The following RBFOX1 variants were observed in gnomAD, a reference collection of about 807,000 sequenced individuals.
The protein encoded by RBFOX1 is RNA binding protein fox-1 homolog 1.
In RBFOX1, 8 loss-of-function variants were observed where a neutral mutation model predicts 57.7. The ratio of observed to expected loss-of-function variants is 0.14; its 90% CI spans 0.08 to 0.25. The LOEUF is 0.25. Ranked by LOEUF, RBFOX1 falls within the 10% of genes least tolerant of loss-of-function variation. RBFOX1 has a pLI of 1.00. For synonymous variants in RBFOX1, 326 were observed against 222.4 expected (o/e 1.47, Z -4.15); for missense variants, 611 against 548.5 (o/e 1.11, Z -1.14).
At chr16:7,475,497 G>A (rs112270690) in intron 4 of RBFOX1, among the ~76,000 whole-genome samples, 5 of 152,064 alleles carry the variant, frequency 3.3e-5, no homozygotes, top group African/African-American at 7.2e-5. Context: ...TGTATTTTTA[G>A]TAGAGACGGC....
chr16:5,845,567 G>T (rs747011993), intron 3 of RBFOX1, among the ~76,000 whole-genome samples: 3 of 152,180 alleles, frequency 2.0e-5, no homozygotes, highest in Non-Finnish European at 2.9e-5. Context: ...ATGACCCGGG[G>T]CAGGTGGCCG....
chr16:5,275,908 A>G (rs1193937725), intron 1 of RBFOX1, among the ~76,000 whole-genome samples: 1 of 152,232 alleles, frequency 6.6e-6, no homozygotes. Context: ...CTGATCTTAG[A>G]CAAAGTAAAC....
chr16:6,543,025 G>A (rs1313621156), intron 2 of RBFOX1, among the ~76,000 whole-genome samples: 1 of 152,028 alleles, frequency 6.6e-6, no homozygotes, highest in Non-Finnish European at 1.5e-5. Context: ...CCTCCCCAGG[G>A]CCACACTATC....
chr16:6,114,581 C>A (rs573416571), intron 1 of RBFOX1, among the ~76,000 whole-genome samples: 2 of 151,916 alleles, frequency 1.3e-5, no homozygotes, highest in South Asian at 2.1e-4. Flanking sequence ...GGGGGCGTAA[C>A]TTATGGACTA....
At chr16:6,791,501 G>C (rs1014228661) in intron 3 of RBFOX1, among the ~76,000 whole-genome samples, 3 of 152,156 alleles carry the variant, frequency 2.0e-5, no homozygotes, top group African/African-American at 4.8e-5. Flanking sequence ...GCTCACACCT[G>C]TAATCCCAGC....
intron 4 of RBFOX1, among the ~76,000 whole-genome samples, chr16:7,202,372 G>T (rs1420160275): frequency 6.6e-6 from 1 of 151,602 alleles, no homozygotes; most frequent in Non-Finnish European, 1.5e-5. Flanking sequence ...ATTACGCCCT[G>T]TGGGTAGGAA....
intron 4 of RBFOX1, among the ~76,000 whole-genome samples, chr16:5,941,761 A>G (rs2059282642): frequency 6.6e-6 from 1 of 151,544 alleles, no homozygotes; most frequent in Admixed American, 6.6e-5. Flanking sequence ...GAAGACTAAA[A>G]CCTCTTCCCG....
At chr16:6,347,089 G>A (rs533131364) in intron 2 of RBFOX1, among the ~76,000 whole-genome samples, 137 of 152,276 alleles carry the variant, frequency 9.0e-4, no homozygotes, top group African/African-American at 3.0e-3. Context: ...AGAATCTTAG[G>A]GTGAAAGTGG....
intron 4 of RBFOX1, among the ~76,000 whole-genome samples, chr16:7,099,868 C>CT (rs2062373510): frequency 6.6e-6 from 1 of 152,064 alleles, no homozygotes; most frequent in African/African-American, 2.4e-5. Context: ...GTTACAGCCT[C>CT]TAAGTAGCAG....
At position 7,712,698 on chromosome 16, in the gene RBFOX1, G is replaced by C. The variant is rs2084179223; in HGVS notation, c.*1953G>C. On this transcript the variant is annotated 3_prime_UTR_variant, in exon 16 of 16. Transcript: ENST00000550418. The stretch of plus-strand genomic sequence containing the variant: ...TTCTCATTCCCCCACCTGGAAAACA[G>C]TGTTATGGCAATGGGTGCCTGGTTG... 1 of 152,160 alleles carries C rather than the reference G, an allele frequency of 6.6e-6. No individual in the cohort carries two copies. Among genetic ancestry groups the C allele is most frequent in the African/African-American group, 2.4e-5 (1 of 41,436 alleles). 9.4% of individuals were successfully genotyped at this position (152,160 alleles called of 1,614,324 possible). A position where few individuals can be genotyped will look rare whatever the true frequency, so the allele number is the denominator to read the frequency against.
chr16:5,349,508 C>G (rs940737837), intron 1 of RBFOX1, among the ~76,000 whole-genome samples: 6 of 152,054 alleles, frequency 3.9e-5, no homozygotes, highest in African/African-American at 1.2e-4. Context: ...CCTATCTCTA[C>G]TAAAAATACA....
At chr16:5,408,415 A>G (rs1237687210) in intron 1 of RBFOX1, among the ~76,000 whole-genome samples, 5 of 152,190 alleles carry the variant, frequency 3.3e-5, no homozygotes, top group Admixed American at 1.3e-4. Flanking sequence ...GTGCCGCGGT[A>G]TGAATAGAGT....
chr16:6,123,821 C>G (rs943698752), intron 1 of RBFOX1, among the ~76,000 whole-genome samples: 1 of 152,132 alleles, frequency 6.6e-6, no homozygotes, highest in Non-Finnish European at 1.5e-5. Flanking sequence ...CCAGGGATGT[C>G]TTGACCCTGG....
intron 4 of RBFOX1, among the ~76,000 whole-genome samples, chr16:6,011,508 C>T (rs567856367): frequency 1.3e-5 from 2 of 152,108 alleles, no homozygotes; most frequent in African/African-American, 4.8e-5. Flanking sequence ...TCCTCTGAGC[C>T]TCAGTTTTCC....
chr16:6,566,136 A>G lies in RBFOX1; in HGVS notation c.-63-88467A>G, dbSNP rs116806149. 2.5e-3 allele frequency among the ~76,000 whole-genome samples: 385 copies of G among 152,302 alleles called. 1 individual carries two copies. The highest frequency in any genetic ancestry group is 8.5e-3 in the African/African-American group (354 of 41,566). ...TCACTGTTCAAATTTATTAGCTAAA[A>G]CAAGACATTCAGCTATGCCTAAGTC... On this transcript the variant is annotated intron_variant, in intron 2 of 15. Coordinates refer to ENST00000550418, the MANE Select transcript of RBFOX1 (RefSeq NM_018723.4).
chr16:7,009,178 C>G (rs1420077706), intron 3 of RBFOX1, among the ~76,000 whole-genome samples: 1 of 106,204 alleles, frequency 9.4e-6, no homozygotes, highest in Non-Finnish European at 2.0e-5. Flanking sequence ...TCCTCTCTTG[C>G]TCTTTCTCTT....
intron 4 of RBFOX1, among the ~76,000 whole-genome samples, chr16:7,141,790 C>A (rs2073854598): frequency 2.0e-5 from 3 of 152,060 alleles, no homozygotes; most frequent in Non-Finnish European, 4.4e-5. Flanking sequence ...CCAGCCTGGT[C>A]ACGGTCCATC....
upstream of RBFOX1, among the ~76,000 whole-genome samples, chr16:6,017,904 G>A (rs2095006411): frequency 6.6e-6 from 1 of 152,146 alleles, no homozygotes; most frequent in African/African-American, 2.4e-5. Flanking sequence ...TGGTATAAGT[G>A]CAAACACAGT....
At chr16:7,024,098 G>C (rs944848188) in intron 3 of RBFOX1, among the ~76,000 whole-genome samples, 5 of 152,098 alleles carry the variant, frequency 3.3e-5, no homozygotes, top group African/African-American at 7.2e-5. Context: ...GGCTTACTAA[G>C]AATATACTTG....
Sources: gnomAD v4.1 joint callset for allele counts (sites outside exome capture counted in the v4.1 genomes callset) on GRCh38, gnomAD v4.1.1 for gene constraint, MANE v1.5 for transcripts, NCBI Gene and HGNC (gene_info 2026-07-23, HGNC 2026-07-21) for gene names.